EFL1: variants seen among roughly 807,000 people sequenced by gnomAD.
The protein encoded by EFL1 is elongation factor-like GTPase 1.
EFL1 carries 76 observed loss-of-function variants against 126.7 expected under a neutral mutation model. That is an observed-to-expected ratio of 0.60 (90% CI 0.50 to 0.73). The LOEUF (loss-of-function observed/expected upper bound fraction) is 0.73, where lower values mean the gene tolerates loss of function less well. Among genes scored for constraint, EFL1 ranks in the 30% least tolerant of loss-of-function variants. EFL1 has a pLI of 0.00. For synonymous variants in EFL1, 410 were observed against 448.4 expected, an observed-to-expected ratio of 0.91 and a Z score of 1.08; for missense variants, 1,128 against 1,343.2, an observed-to-expected ratio of 0.84 and a Z score of 2.50.
intron 18 of EFL1, among the ~76,000 whole-genome samples, chr15:82,142,389 C>A (rs1405069390): frequency 6.6e-6 from 1 of 152,014 alleles, no homozygotes; most frequent in Non-Finnish European, 1.5e-5. Context: ...ACTTGGGGGA[C>A]TAAGGCAGGA....
chr15:82,210,374 C>T (rs1012758931), intron 15 of EFL1, among the ~76,000 whole-genome samples: 15 of 152,158 alleles, frequency 9.9e-5, no homozygotes, highest in Admixed American at 9.8e-4. Context: ...ATACCTTCCT[C>T]CTGGCTCTCC....
intron 14 of EFL1, among the ~76,000 whole-genome samples, chr15:82,216,610 A>G (rs944526732): frequency 1.1e-4 from 17 of 152,198 alleles, no homozygotes; most frequent in African/African-American, 3.9e-4. Context: ...GTGGATAAAG[A>G]TGGACTATTC....
At chr15:82,225,527 T>A (rs2141309210) in intron 11 of EFL1, among the ~76,000 whole-genome samples, 1 of 152,334 alleles carries the variant, frequency 6.6e-6, no homozygotes, top group East Asian at 1.9e-4. Flanking sequence ...AGGGATCTCA[T>A]ATGAAAGCTA....
At chr15:82,239,294 G>A (rs150778327) in intron 6 of EFL1, among the ~76,000 whole-genome samples, 1 of 152,014 alleles carries the variant, frequency 6.6e-6, no homozygotes, top group Non-Finnish European at 1.5e-5. Context: ...CTGCTACCAC[G>A]CCCGGCTAAT....
At chr15:82,153,197 T>C (rs2073932096) in intron 17 of EFL1, among the ~76,000 whole-genome samples, 1 of 152,166 alleles carries the variant, frequency 6.6e-6, no homozygotes, top group Non-Finnish European at 1.5e-5. Flanking sequence ...AGCCCCAGTC[T>C]GCCACCAAGT....
chr15:82,254,398 T>A (rs1310770866), intron 3 of EFL1, among the ~76,000 whole-genome samples: 1 of 152,078 alleles, frequency 6.6e-6, no homozygotes, highest in East Asian at 1.9e-4. Context: ...TGAATTGGTA[T>A]GAAACGTGTA....
intron 16 of EFL1, among the ~76,000 whole-genome samples, chr15:82,159,105 C>T (rs1218604936): frequency 6.6e-6 from 1 of 152,074 alleles, no homozygotes; most frequent in Non-Finnish European, 1.5e-5. Context: ...TCACTGTGTC[C>T]AGGGTTGACA....
intron 16 of EFL1, among the ~76,000 whole-genome samples, chr15:82,158,983 C>G (rs1471249765): frequency 1.3e-5 from 2 of 152,206 alleles, no homozygotes; most frequent in Admixed American, 6.5e-5. Context: ...AGCTGGGCAG[C>G]CAGCCAGAGA....
Position 82,229,055 on chromosome 15 carries a change from A to G in EFL1, c.911T>C (p.Leu304Ser). The change falls in exon 9 of 20, where the codon TTG (leucine) becomes TCG (serine). Residue 304 changes from leucine to serine, a missense_variant. By Grantham distance (145) the Leu-to-Ser change is moderately radical. This residue lies in a region of EFL1 where 316 missense variants were observed against 318.5 expected (regional missense o/e 0.99). Transcript: ENST00000268206. The part of the protein sequence containing the change: ...VQLILENIWS[L>S]YDAVLKKDKD... Reference sequence around the variant, plus strand: ...TTACTTTTTCAAAACAGCATCATACAAACTCCATATATTTTCCAGGATCAA... The same window carrying G: ...TTACTTTTTCAAAACAGCATCATACGAACTCCATATATTTTCCAGGATCAA... 1.2e-6 allele frequency: 2 copies of G among 1,612,388 alleles called. No homozygotes were observed. Among genetic ancestry groups the G allele is most frequent in the Non-Finnish European group, 1.7e-6 (2 of 1,179,508 alleles).
At position 82,130,401 on chromosome 15, in the gene EFL1, T is replaced by C. The variant is rs1371410489; in HGVS notation, c.3335A>G (p.Lys1112Arg). ...VEEKIVEHAEKQRTLSKNK is the reference protein window; with the variant it reads ...VEEKIVEHAERQRTLSKNK ...CTTATTTTTGCTGAGTGTCCTCTGC[T>C]TTTCTGCATGCTCCACAATCTTTTC... The change falls in exon 20 of 20, where the codon AAG becomes AGG. Residue 1112 changes from lysine (K) to arginine (R), a missense_variant. By Grantham distance (26) the Lys-to-Arg change is conservative. This residue lies in a region of EFL1 where 561 missense variants were observed against 641.7 expected (regional missense o/e 0.87). Coordinates refer to ENST00000268206, the MANE Select transcript of EFL1 (RefSeq NM_024580.6). The C allele has an allele frequency of 6.2e-7, 1 of 1,614,196 alleles. No homozygotes were observed. The highest frequency in any genetic ancestry group is 1.7e-5 in the Admixed American group (1 of 60,024).
In EFL1 at chr15:82,220,084, G is replaced by A. The variant is rs2074694278; in HGVS notation, c.1438C>T (p.Pro480Ser). The A allele has an allele frequency of 5.0e-6, 8 of 1,603,912 alleles. No individual in the cohort carries two copies. Among genetic ancestry groups the A allele is most frequent in the Non-Finnish European group, 6.8e-6 (8 of 1,176,866 alleles). ...CTACTTAGGAAAGCTATACCTCTTG[G>A]CTCCTCTCCTTTTGGACATGTTTCA... ...AIETCPKGEE[P>S]RGDEQQVESM... Residue 480 changes from proline to serine, a missense_variant, in exon 13 of 20, where the codon CCA becomes TCA. Transcript: ENST00000268206.
chr15:82,149,339 A>C (rs1167735223), intron 18 of EFL1, among the ~76,000 whole-genome samples: 1 of 152,218 alleles, frequency 6.6e-6, no homozygotes, highest in Non-Finnish European at 1.5e-5. Context: ...CAGTCTAGTC[A>C]ATTACCAAAA....
chr15:82,254,828 G>A (rs867529868), intron 3 of EFL1, among the ~76,000 whole-genome samples: 1 of 152,170 alleles, frequency 6.6e-6, no homozygotes, highest in Non-Finnish European at 1.5e-5. Flanking sequence ...AGGAGGAGGA[G>A]GTTAGTCTGG....
At chr15:82,139,792 A>G (rs932995264) in intron 18 of EFL1, among the ~76,000 whole-genome samples, 1 of 152,252 alleles carries the variant, frequency 6.6e-6, no homozygotes, top group Non-Finnish European at 1.5e-5. Flanking sequence ...ACTGCTGCTA[A>G]GCAGGGCTAA....
In EFL1 at chr15:82,259,137, T is replaced by C; in HGVS notation, c.110A>G (p.Asp37Gly). Residue 37 changes from aspartate (D) to glycine (G), a missense_variant, in exon 3 of 20, where the codon GAC becomes GGC. Physicochemically the swap from Asp to Gly is moderately conservative, Grantham distance 94. Transcript: ENST00000268206. ...GATTCCATTGCTAGATATAAGACAG[T>C]CAGCCAGAGTAGTTTTTCCTGTTAA... Reference protein sequence around the residue: ...HVDHGKTTLADCLISSNGIIS... With the variant: ...HVDHGKTTLAGCLISSNGIIS... The C allele has an allele frequency of 6.2e-7, 1 of 1,614,060 alleles. No homozygotes were observed. The highest frequency in any genetic ancestry group is 8.5e-7 in the Non-Finnish European group (1 of 1,179,954).
At chr15:82,211,548 A>C (rs1358305088) in intron 15 of EFL1, among the ~76,000 whole-genome samples, 5 of 62,834 alleles carry the variant, frequency 8.0e-5, no homozygotes, top group Non-Finnish European at 1.7e-4. Context: ...AAAAATCTAT[A>C]TACACACACA....
chr15:82,259,786 G>C (rs8026476), intron 2 of EFL1, among the ~76,000 whole-genome samples: 10,638 of 152,214 alleles, frequency 0.07, 389 homozygotes, highest in Non-Finnish European at 0.079. Context: ...GTAAGCAAAG[G>C]AGGGTTTTTT....
intron 17 of EFL1, among the ~76,000 whole-genome samples, chr15:82,153,499 T>C (rs1567042654): frequency 1.3e-5 from 2 of 152,138 alleles, no homozygotes; most frequent in Non-Finnish European, 2.9e-5. Context: ...GTGTTAAGTG[T>C]TTTACATGTA....
At chr15:82,211,240 C>T (rs562662064) in intron 15 of EFL1, among the ~76,000 whole-genome samples, 2 of 152,016 alleles carry the variant, frequency 1.3e-5, no homozygotes, top group South Asian at 4.2e-4. Context: ...ATATACCAGA[C>T]TCTCGGCTGG....
Sources: gnomAD v4.1 joint callset for allele counts (sites outside exome capture counted in the v4.1 genomes callset) on GRCh38, gnomAD v4.1.1 for gene constraint, gnomAD v4.1.1 regional missense constraint, MANE v1.5 for transcripts, NCBI Gene and HGNC (gene_info 2026-07-23, HGNC 2026-07-21) for gene names.